FNIP1: variants seen among roughly 807,000 people sequenced by gnomAD.
FNIP1 encodes the protein folliculin-interacting protein 1.
Under a neutral mutation model 124.5 loss-of-function variants are expected in FNIP1, and 40 were observed. That is an observed-to-expected ratio of 0.32 (90% CI 0.25 to 0.42). FNIP1 has a LOEUF of 0.42. Among genes scored for constraint, FNIP1 ranks in the 10% least tolerant of loss-of-function variants. FNIP1 has a pLI of 1.00. For missense variants in FNIP1, 1,176 were observed against 1,403.7 expected (o/e 0.84, Z 2.59); for synonymous variants, 472 against 470.6 (o/e 1.00, Z -0.04).
intron 15 of FNIP1, among the ~76,000 whole-genome samples, chr5:131,652,482 G>A (rs1580727041): frequency 1.3e-5 from 2 of 152,092 alleles, no homozygotes; most frequent in Admixed American, 6.5e-5. Flanking sequence ...AGCCTCCCAA[G>A]TAGCTGGGAC....
intron 5 of FNIP1, among the ~76,000 whole-genome samples, chr5:131,718,427 T>C (rs1237204000): frequency 2.6e-5 from 4 of 152,166 alleles, no homozygotes; most frequent in African/African-American, 9.7e-5. Context: ...AATCTCTCTC[T>C]GGGGTCTTCC....
chr5:131,751,636 T>C (rs1416014897), intron 1 of FNIP1, among the ~76,000 whole-genome samples: 3 of 151,060 alleles, frequency 2.0e-5, no homozygotes, highest in Admixed American at 2.0e-4. Flanking sequence ...GGCATGTCCA[T>C]GAACTCATGA....
At chr5:131,676,497 C>A (rs1473096355) in intron 13 of FNIP1, among the ~76,000 whole-genome samples, 1 of 152,018 alleles carries the variant, frequency 6.6e-6, no homozygotes, top group Admixed American at 6.5e-5. Flanking sequence ...GTGGCTCATG[C>A]TTGTAATCCC....
At chr5:131,682,497 T>C (rs1167226428) in intron 11 of FNIP1, among the ~76,000 whole-genome samples, 1 of 151,996 alleles carries the variant, frequency 6.6e-6, no homozygotes, top group African/African-American at 2.4e-5. Context: ...GGTGGGCGGA[T>C]CACCTGAGGT....
At chr5:131,661,877 C>T (rs898637521) in intron 15 of FNIP1, among the ~76,000 whole-genome samples, 1 of 152,158 alleles carries the variant, frequency 6.6e-6, no homozygotes, top group African/African-American at 2.4e-5. Context: ...GAAAAAGGAT[C>T]TGTGAGAGGC....
intron 1 of FNIP1, among the ~76,000 whole-genome samples, chr5:131,772,694 C>T (rs886524500): frequency 1.3e-5 from 2 of 152,134 alleles, no homozygotes; most frequent in Admixed American, 6.6e-5. Flanking sequence ...AACTTCTTCT[C>T]CTTCACATCC....
intron 3 of FNIP1, among the ~76,000 whole-genome samples, chr5:131,724,531 T>A (rs1364729598): frequency 6.6e-6 from 1 of 152,222 alleles, no homozygotes; most frequent in Non-Finnish European, 1.5e-5. Flanking sequence ...TCTGTTTGTA[T>A]CCTTCACCTA....
chr5:131,747,683 A>C (rs1770727316), intron 1 of FNIP1, among the ~76,000 whole-genome samples: 1 of 152,200 alleles, frequency 6.6e-6, no homozygotes, highest in African/African-American at 2.4e-5. Context: ...AGTTCTAAGG[A>C]ATAAAGAGTA....
At chr5:131,673,678 G>A (rs1767831490) in intron 13 of FNIP1, among the ~76,000 whole-genome samples, 1 of 152,208 alleles carries the variant, frequency 6.6e-6, no homozygotes. Flanking sequence ...GAGGAAAGGA[G>A]TAGTGGTAAA....
At chr5:131,696,019 T>C (rs1768679158) in intron 11 of FNIP1, among the ~76,000 whole-genome samples, 1 of 152,228 alleles carries the variant, frequency 6.6e-6, no homozygotes, top group South Asian at 2.1e-4. Context: ...ATTTACCTCC[T>C]AAATCATAAA....
intron 2 of FNIP1, among the ~76,000 whole-genome samples, chr5:131,737,211 C>G (rs1282823923): frequency 6.6e-6 from 1 of 152,100 alleles, no homozygotes; most frequent in East Asian, 1.9e-4. Flanking sequence ...GCACCTTGTC[C>G]CCTCATTACA....
At chr5:131,707,950 T>C (rs1245432509) in intron 8 of FNIP1, among the ~76,000 whole-genome samples, 2 of 152,074 alleles carry the variant, frequency 1.3e-5, no homozygotes, top group African/African-American at 4.8e-5. Context: ...AATATCTAGA[T>C]TACATCGAAG....
chr5:131,730,386 A>G (rs1287360936), intron 3 of FNIP1, among the ~76,000 whole-genome samples: 1 of 152,206 alleles, frequency 6.6e-6, no homozygotes, highest in Non-Finnish European at 1.5e-5. Context: ...ACACAGATAA[A>G]TTTACATCAG....
At chr5:131,784,483 TAATA>T (rs776710317) in intron 1 of FNIP1, among the ~76,000 whole-genome samples, 3 of 152,072 alleles carry the variant, frequency 2.0e-5, no homozygotes, top group East Asian at 1.9e-4. Context: ...TATCAGGAAA[TAATA>T]AATAAATCAA....
chr5:131,791,143 T>C (rs1400161085), intron 1 of FNIP1, among the ~76,000 whole-genome samples: 1 of 152,070 alleles, frequency 6.6e-6, no homozygotes, highest in African/African-American at 2.4e-5. Flanking sequence ...CTTTGGAAAA[T>C]GACAAAGGGA....
chr5:131,659,338 C>T (rs559172931), intron 15 of FNIP1, among the ~76,000 whole-genome samples: 2 of 152,190 alleles, frequency 1.3e-5, no homozygotes, highest in African/African-American at 2.4e-5. Context: ...GCTGGAAGAG[C>T]GCCTCAGGGC....
intron 4 of FNIP1, 25 bp downstream of exon 4, chr5:131,719,292 A>T: frequency 6.6e-7 from 1 of 1,504,428 alleles, no homozygotes; most frequent in Non-Finnish European, 9.0e-7. Context: ...GGGACTCGTT[A>T]AAAAAAAATC....
intron 1 of FNIP1, among the ~76,000 whole-genome samples, chr5:131,787,974 T>C (rs1455140766): frequency 6.6e-6 from 1 of 152,116 alleles, no homozygotes; most frequent in Non-Finnish European, 1.5e-5. Flanking sequence ...AGTGAGACCC[T>C]GTCTTCCTGC....
chr5:131,701,495 T>C lies in FNIP1; in HGVS notation c.1117-2493A>G, dbSNP rs941490369. On this transcript the variant is annotated intron_variant, in intron 10 of 17. Transcript: ENST00000510461. ...GACTACAAAATGTGAGTGCAGCCAA[T>C]TGAAGAAATGTAATCAGTGTCTAAC... is the stretch of plus-strand genomic sequence containing the variant. Among the ~76,000 whole-genome samples the C allele has an allele frequency of 3.9e-5, 6 of 152,334 alleles. No individual in the cohort carries two copies. The South Asian group carries it at 6.2e-4, about 16-fold the overall frequency.
Sources: gnomAD v4.1 joint callset for allele counts (sites outside exome capture counted in the v4.1 genomes callset) on GRCh38, gnomAD v4.1.1 for gene constraint, MANE v1.5 for transcripts, NCBI Gene and HGNC (gene_info 2026-07-23, HGNC 2026-07-21) for gene names.